HDGFL2: variants seen among roughly 807,000 people sequenced by gnomAD.
HDGFL2 encodes the protein hepatoma-derived growth factor-related protein 2.
Under a neutral mutation model 77.1 loss-of-function variants are expected in HDGFL2, and 36 were observed. The observed-to-expected ratio is 0.47, with a 90% CI of 0.36 to 0.62. The LOEUF is 0.62. HDGFL2 is among the 20% of genes least tolerant of loss of function. HDGFL2 has a pLI of 0.00. For missense variants in HDGFL2, 976 were observed against 973.4 expected, an observed-to-expected ratio of 1.00 and a Z score of -0.04; for synonymous variants, 463 against 413.1, an observed-to-expected ratio of 1.12 and a Z score of -1.46.
At chr19:4,473,232 A>G (rs1297883664) in intron 1 of HDGFL2, among the ~76,000 whole-genome samples, 1 of 140,426 alleles carries the variant, frequency 7.1e-6, no homozygotes, top group Non-Finnish European at 1.6e-5. Flanking sequence ...CAGGGCCTGA[A>G]GGAGCTGCGG....
At chr19:4,501,805 G>A in intron 15 of HDGFL2, 106 bp from the exon 16 acceptor site, 2 of 773,108 alleles carry the variant, frequency 2.6e-6, no homozygotes, top group East Asian at 3.1e-5. Flanking sequence ...CGAGCCTCAG[G>A]TGCCACAACG....
chr19:4,480,691 C>A (rs373284223), intron 3 of HDGFL2, among the ~76,000 whole-genome samples: 34 of 151,974 alleles, frequency 2.2e-4, no homozygotes, highest in African/African-American at 8.0e-4. Flanking sequence ...TGTACTCCAG[C>A]CTGGGGGATA....
chr19:4,480,339 G>C (rs1159392569), intron 3 of HDGFL2, among the ~76,000 whole-genome samples: 1 of 152,154 alleles, frequency 6.6e-6, no homozygotes, highest in South Asian at 2.1e-4. Context: ...TGGCCCCCCA[G>C]CTCCCAGGCT....
intron 9 of HDGFL2, among the ~76,000 whole-genome samples, chr19:4,495,093 A>G (rs1975665454): frequency 6.6e-6 from 1 of 152,052 alleles, no homozygotes; most frequent in African/African-American, 2.4e-5. Context: ...GTTTAAGTAA[A>G]AGGCTCCGAA....
chr19:4,479,896 A>G (rs1975170408), intron 3 of HDGFL2, among the ~76,000 whole-genome samples: 1 of 141,646 alleles, frequency 7.1e-6, no homozygotes, highest in Non-Finnish European at 1.5e-5. Flanking sequence ...ACAGAATGAG[A>G]CTCTGTCTAA....
chr19:4,474,206 G>A (rs1037529594), intron 1 of HDGFL2, among the ~76,000 whole-genome samples: 1 of 152,036 alleles, frequency 6.6e-6, no homozygotes, highest in African/African-American at 2.4e-5. Flanking sequence ...GGCTGGGGCA[G>A]CAGGGAGGGG....
At chr19:4,474,055 C>T (rs943903842) in intron 1 of HDGFL2, among the ~76,000 whole-genome samples, 6 of 151,990 alleles carry the variant, frequency 3.9e-5, no homozygotes, top group African/African-American at 1.4e-4. Context: ...GGGGTGAGTT[C>T]CAGGCCCTGA....
intron 3 of HDGFL2, among the ~76,000 whole-genome samples, chr19:4,484,375 C>T (rs765602923): frequency 1.3e-5 from 2 of 152,144 alleles, no homozygotes; most frequent in South Asian, 2.1e-4. Flanking sequence ...TGAGCCACCA[C>T]GCCCGGCCTG....
chr19:4,491,489 G>A, intron 4 of HDGFL2, 77 bp from the exon 5 acceptor site: 1 of 1,263,376 alleles, frequency 7.9e-7, no homozygotes, highest in Non-Finnish European at 1.1e-6. Flanking sequence ...GTCGTGGGTG[G>A]TGGGCAGTCA....
rs1173676770 is a variant in HDGFL2, at chr19:4,501,183, C to T, written c.1790-8C>T. On this transcript the variant is annotated splice_region_variant and splice_polypyrimidine_tract_variant and intron_variant, in intron 14 of 15. Coordinates refer to ENST00000616600, the MANE Select transcript of HDGFL2 (RefSeq NM_001001520.3). ...AGCAGTGTCCTGTGACCCCTCTGTC[C>T]CACCCAGATCTCTCAGCCCCAGTGA... 6.2e-7 allele frequency: 1 copy of T among 1,613,098 alleles called. No individual in the cohort carries two copies.
intron 3 of HDGFL2, among the ~76,000 whole-genome samples, chr19:4,488,373 CTG>C (rs1975415205): frequency 6.6e-6 from 1 of 152,226 alleles, no homozygotes; most frequent in Non-Finnish European, 1.5e-5. Context: ...GAGGTCAAAA[CTG>C]AGCCATCCCC....
intron 3 of HDGFL2, among the ~76,000 whole-genome samples, chr19:4,485,767 T>TG (rs1468925744): frequency 7.1e-6 from 1 of 139,940 alleles, no homozygotes; most frequent in South Asian, 2.3e-4. Context: ...CTCAATCTCG[T>TG]GGGGTGCGGT....
At position 4,497,950 on chromosome 19, in the gene HDGFL2, C is replaced by T; in HGVS notation, c.1329-8C>T. 1 of 1,551,702 alleles carries T rather than the reference C, an allele frequency of 6.4e-7. No homozygotes were observed. The highest frequency in any genetic ancestry group is 8.7e-7 in the Non-Finnish European group (1 of 1,147,032). ...CGGGGCCCGACTGAGGGGAGCACTT[C>T]TCCACAGGCCCGTGAAGGTGGAGCG... On this transcript the variant is annotated splice_region_variant and splice_polypyrimidine_tract_variant and intron_variant, in intron 10 of 15. Transcript: ENST00000616600.
In HDGFL2 at chr19:4,475,486, G is replaced by T. The variant is rs1426490022; in HGVS notation, c.191G>T (p.Cys64Phe). The T allele has an allele frequency of 6.2e-7, 1 of 1,610,516 alleles. No individual in the cohort carries two copies. The highest frequency in any genetic ancestry group is 8.5e-7 in the Non-Finnish European group (1 of 1,179,092). ...GPKDLFPYDK[C>F]KDKYGKPNKR... ...AAGGACCTGTTCCCCTACGACAAAT[G>T]TAAAGACAAGTACGGGAAGCCCAAC... The change falls in exon 3 of 16, where the codon TGT becomes TTT. Residue 64 changes from cysteine to phenylalanine, a missense_variant. Physicochemically the swap from Cys to Phe is radical, Grantham distance 205. Transcript: ENST00000616600.
chr19:4,496,813 G>A (rs2145209931), intron 10 of HDGFL2: 2 of 383,192 alleles, frequency 5.2e-6, no homozygotes, highest in African/African-American at 2.1e-5. Context: ...CCCCGGCCTA[G>A]GGGTTTGCAT....
At chr19:4,481,571 C>T (rs1975218598) in intron 3 of HDGFL2, among the ~76,000 whole-genome samples, 1 of 151,386 alleles carries the variant, frequency 6.6e-6, no homozygotes, top group Admixed American at 6.6e-5. Context: ...TGTGATCCAC[C>T]CAACTCGGCA....
intron 4 of HDGFL2, among the ~76,000 whole-genome samples, chr19:4,489,161 C>T (rs112896825): frequency 0.022 from 3,362 of 151,894 alleles, 111 homozygotes; most frequent in African/African-American, 0.077. Flanking sequence ...ACCAGGTCCC[C>T]AAGTTGGTCT....
intron 8 of HDGFL2, 41 bp from the exon 9 acceptor site, chr19:4,494,125 A>C: frequency 6.7e-7 from 1 of 1,500,698 alleles, no homozygotes; most frequent in Non-Finnish European, 8.9e-7. Flanking sequence ...CGGGCTCCTG[A>C]GGGAGGAACG....
chr19:4,496,869 CTTTTTT>C, intron 10 of HDGFL2: 1 of 345,792 alleles, frequency 2.9e-6, no homozygotes, highest in Admixed American at 3.6e-5. Flanking sequence ...TCCCAGCTCA[CTTTTTT>C]TTTTTTTTTT....
Sources: gnomAD v4.1 joint callset for allele counts (sites outside exome capture counted in the v4.1 genomes callset) on GRCh38, gnomAD v4.1.1 for gene constraint, MANE v1.5 for transcripts, NCBI Gene and HGNC (gene_info 2026-07-23, HGNC 2026-07-21) for gene names.